Variants in AGBL1 observed in about 807,000 individuals in gnomAD.
AGBL1 encodes the protein cytosolic carboxypeptidase 4.
Under a neutral mutation model 118.9 loss-of-function variants are expected in AGBL1, and 130 were observed. The observed-to-expected ratio is 1.09, with a 90% CI of 0.95 to 1.26. AGBL1 has a LOEUF of 1.26. Among genes scored for constraint, AGBL1 ranks in the 50% most tolerant of loss-of-function variants. The pLI, the probability that AGBL1 is intolerant of heterozygous loss-of-function variation, is 0.00. For synonymous variants in AGBL1, 555 were observed against 478.9 expected (o/e 1.16, Z -2.08); for missense variants, 1,584 against 1,298.1 (o/e 1.22, Z -3.38).
At chr15:86,593,437 A>G (rs1239923748) in intron 21 of AGBL1, among the ~76,000 whole-genome samples, 1 of 152,262 alleles carries the variant, frequency 6.6e-6, no homozygotes, top group South Asian at 2.1e-4. Context: ...GAGCATATGG[A>G]TATCTCCAGC....
Position 86,674,452 on chromosome 15 carries a change from G to T in AGBL1, c.3158+16G>T. The T allele has an allele frequency of 6.3e-7, 1 of 1,593,920 alleles. No individual in the cohort carries two copies. The highest frequency in any genetic ancestry group is 1.7e-5 in the Admixed American group (1 of 59,394). Reference sequence around the variant, plus strand: ...ACCTCCAACGGTAAGATGCTCCCAAGGGCTCAGAGAAATTTGGACCTTGGT... The same window carrying T: ...ACCTCCAACGGTAAGATGCTCCCAATGGCTCAGAGAAATTTGGACCTTGGT... On this transcript the variant is annotated intron_variant, in intron 22 of 22. Transcript: ENST00000614907.
At chr15:86,567,889 C>T (rs1038435065) in intron 21 of AGBL1, among the ~76,000 whole-genome samples, 6 of 152,010 alleles carry the variant, frequency 3.9e-5, no homozygotes, top group South Asian at 2.1e-4. Context: ...AGCCCAGCTG[C>T]CCAGAGACCA....
At chr15:86,723,256 A>C (rs952380183) in intron 22 of AGBL1, among the ~76,000 whole-genome samples, 29 of 152,214 alleles carry the variant, frequency 1.9e-4, no homozygotes, top group African/African-American at 6.3e-4. Flanking sequence ...AACCAACCCA[A>C]ATGTCCCAAC....
chr15:86,995,323 C>A (rs1260455410), intron 24 of AGBL1, among the ~76,000 whole-genome samples: 4 of 152,086 alleles, frequency 2.6e-5, no homozygotes, highest in African/African-American at 7.2e-5. Context: ...GAGGTCAAGG[C>A]TGTAGTGAGC....
intron 24 of AGBL1, among the ~76,000 whole-genome samples, chr15:87,013,272 C>G (rs1596740466): frequency 6.6e-6 from 1 of 152,202 alleles, no homozygotes; most frequent in Non-Finnish European, 1.5e-5. Context: ...TCTGGCAAGA[C>G]AGGAAGGCTG....
At chr15:86,715,139 G>T (rs2086618947) in intron 22 of AGBL1, among the ~76,000 whole-genome samples, 1 of 152,136 alleles carries the variant, frequency 6.6e-6, no homozygotes, top group Admixed American at 6.5e-5. Context: ...CAACTTCACT[G>T]ATTTAAGCCT....
chr15:86,551,703 AG>A (rs2083665109), intron 20 of AGBL1, among the ~76,000 whole-genome samples: 2 of 152,204 alleles, frequency 1.3e-5, no homozygotes, highest in African/African-American at 4.8e-5. Context: ...TCATTTTATG[AG>A]GTCTGTGTTA....
chr15:86,754,537 G>A (rs1254074053), intron 22 of AGBL1, among the ~76,000 whole-genome samples: 4 of 151,992 alleles, frequency 2.6e-5, no homozygotes, highest in Non-Finnish European at 1.5e-5. Flanking sequence ...TTTTGTGTCT[G>A]TCCATGAGTC....
At chr15:86,372,624 A>G (rs2080986940) in intron 17 of AGBL1, among the ~76,000 whole-genome samples, 1 of 152,270 alleles carries the variant, frequency 6.6e-6, no homozygotes, top group Admixed American at 6.5e-5. Flanking sequence ...GATTTGGAAT[A>G]CAGACTTTTG....
chr15:86,291,715 G>A (rs2079547713), intron 16 of AGBL1, among the ~76,000 whole-genome samples: 2 of 152,046 alleles, frequency 1.3e-5, no homozygotes, highest in African/African-American at 2.4e-5. Flanking sequence ...ATCAGCCTTG[G>A]GCTTCCTTCA....
chr15:86,923,590 T>C (rs2080502004), intron 23 of AGBL1, among the ~76,000 whole-genome samples: 1 of 152,242 alleles, frequency 6.6e-6, no homozygotes, highest in South Asian at 2.1e-4. Flanking sequence ...CTTTCGTGCT[T>C]GGCTATTTGG....
chr15:86,347,331 A>C (rs1196964882), intron 17 of AGBL1, among the ~76,000 whole-genome samples: 1 of 152,200 alleles, frequency 6.6e-6, no homozygotes, highest in Non-Finnish European at 1.5e-5. Flanking sequence ...TGGTGTTCAA[A>C]ATTCATGATG....
intron 7 of AGBL1, among the ~76,000 whole-genome samples, chr15:86,250,594 A>G (rs929475673): frequency 7.0e-6 from 1 of 143,268 alleles, no homozygotes; most frequent in African/African-American, 2.5e-5. Flanking sequence ...TCCAGAGAAA[A>G]TGTTATCAAG....
chr15:86,912,847 T>C lies in AGBL1; in HGVS notation c.*5553T>C, dbSNP rs2141604377. On this transcript the variant is annotated 3_prime_UTR_variant, in exon 23 of 23. Coordinates refer to ENST00000614907, the MANE Select transcript of AGBL1 (RefSeq NM_001386094.1). ...TACAGCTCACCCCAGCTCCCCAAAC[T>C]CTCTAGTCTTGGAAAGACATGCATA... 6.6e-6 allele frequency: 1 copy of C among 152,212 alleles called. No individual in the cohort carries two copies. The highest frequency in any genetic ancestry group is 6.5e-5 in the Admixed American group (1 of 15,290). The allele number at this position is 152,212 out of a possible 1,614,324, so 9.4% of individuals were successfully genotyped here. A position where few individuals can be genotyped will look rare whatever the true frequency, so the allele number is the denominator to read the frequency against.
chr15:86,148,183 C>G (rs1251337662), intron 3 of AGBL1, among the ~76,000 whole-genome samples: 1 of 152,170 alleles, frequency 6.6e-6, no homozygotes, highest in Non-Finnish European at 1.5e-5. Context: ...GAAACCAGAG[C>G]AGAAAAGCTG....
chr15:86,931,139 T>C (rs2080598505), intron 23 of AGBL1, among the ~76,000 whole-genome samples: 1 of 152,236 alleles, frequency 6.6e-6, no homozygotes, highest in Non-Finnish European at 1.5e-5. Context: ...CCCAAGTCTT[T>C]AGACAATGCT....
intron 18 of AGBL1, among the ~76,000 whole-genome samples, chr15:86,509,713 C>G (rs1252726100): frequency 6.6e-6 from 1 of 152,104 alleles, no homozygotes; most frequent in East Asian, 1.9e-4. Context: ...CCTCCCCTCT[C>G]TTTCTCTTCC....
chr15:86,374,905 A>G (rs576569924), intron 17 of AGBL1, among the ~76,000 whole-genome samples: 2 of 152,354 alleles, frequency 1.3e-5, no homozygotes, highest in South Asian at 4.1e-4. Flanking sequence ...TAGCACATTC[A>G]TCATGAGCTG....
intron 18 of AGBL1, among the ~76,000 whole-genome samples, chr15:86,488,322 C>T (rs1415321058): frequency 6.6e-6 from 1 of 151,816 alleles, no homozygotes; most frequent in African/African-American, 2.4e-5. Context: ...ATTTCCCTTC[C>T]TTCTTACCCC....
Sources: gnomAD v4.1 joint callset for allele counts (sites outside exome capture counted in the v4.1 genomes callset) on GRCh38, gnomAD v4.1.1 for gene constraint, MANE v1.5 for transcripts, NCBI Gene and HGNC (gene_info 2026-07-23, HGNC 2026-07-21) for gene names.